Variants in SDK1 observed in about 807,000 individuals in gnomAD.
SDK1 encodes the protein sidekick cell adhesion molecule 1.
SDK1 carries 157 observed loss-of-function variants against 245.5 expected under a neutral mutation model. That is an observed-to-expected ratio of 0.64 (90% CI 0.56 to 0.73). SDK1 has a LOEUF of 0.73. Ranked by LOEUF, SDK1 falls within the 30% of genes least tolerant of loss-of-function variation. The pLI is 0.00. For missense variants in SDK1, 3,583 were observed against 3,002.3 expected, an observed-to-expected ratio of 1.19 and a Z score of -4.52; for synonymous variants, 1,647 against 1,278.5, an observed-to-expected ratio of 1.29 and a Z score of -6.15.
At chr7:3,535,795 A>G (rs897139049) in intron 1 of SDK1, among the ~76,000 whole-genome samples, 10 of 152,158 alleles carry the variant, frequency 6.6e-5, no homozygotes, top group Admixed American at 2.0e-4. Context: ...GATTTAGGCT[A>G]TATTTGCTAA....
At chr7:3,420,746 AT>A (rs1161980858) in intron 1 of SDK1, among the ~76,000 whole-genome samples, 1 of 152,192 alleles carries the variant, frequency 6.6e-6, no homozygotes, top group Non-Finnish European at 1.5e-5. Context: ...GCTCAAGAAC[AT>A]TTTTTAAAAT....
intron 4 of SDK1, among the ~76,000 whole-genome samples, chr7:3,791,687 C>A (rs570804975): frequency 6.6e-6 from 1 of 152,154 alleles, no homozygotes; most frequent in Admixed American, 6.5e-5. Context: ...AATCCAATTT[C>A]CTGTCTCTGA....
intron 4 of SDK1, among the ~76,000 whole-genome samples, chr7:3,661,546 A>G (rs183208117): frequency 1.5e-3 from 224 of 152,310 alleles, no homozygotes; most frequent in Admixed American, 3.3e-3. Flanking sequence ...TGATCTAGTG[A>G]TGAAATAAGG....
chr7:3,880,977 C>T (rs1291494654), intron 5 of SDK1, among the ~76,000 whole-genome samples: 6 of 152,194 alleles, frequency 3.9e-5, no homozygotes, highest in South Asian at 2.1e-4. Flanking sequence ...AGTAACAAGC[C>T]GCCCACTCAC....
At chr7:4,240,246 G>A (rs949771981) in intron 42 of SDK1, among the ~76,000 whole-genome samples, 1 of 152,052 alleles carries the variant, frequency 6.6e-6, no homozygotes, top group Non-Finnish European at 1.5e-5. Context: ...TGCAGCTTCC[G>A]ATGCTCAGCC....
At chr7:3,390,563 G>C (rs929915109) in intron 1 of SDK1, among the ~76,000 whole-genome samples, 7 of 152,166 alleles carry the variant, frequency 4.6e-5, no homozygotes, top group African/African-American at 1.7e-4. Context: ...ATAAGATGAG[G>C]TCATACAGGA....
chr7:3,301,799 G>C lies in SDK1; in HGVS notation c.213G>C (p.Arg71=), dbSNP rs989148770. The C allele has an allele frequency of 2.9e-6, 3 of 1,041,252 alleles. No individual in the cohort carries two copies. Among genetic ancestry groups the C allele is most frequent in the Non-Finnish European group, 3.5e-6 (3 of 867,972 alleles). 64.5% of individuals were successfully genotyped at this position (1,041,252 alleles called of 1,614,324 possible). A position where few individuals can be genotyped will look rare whatever the true frequency, so the allele number is the denominator to read the frequency against. The change falls in exon 1 of 45, where the codon CGG becomes CGC. Residue 71 remains arginine (R), a synonymous_variant. Coordinates refer to ENST00000404826, the MANE Select transcript of SDK1 (RefSeq NM_152744.4). ...DTAGAGRCGG[R]RAAKLGPGRR... ...CGGGCGCGGGGCGGTGCGGCGGGCGGCGGGCGGCAAAGTTGGGGCCGGGCC... is the reference window on the plus strand; with the variant it reads ...CGGGCGCGGGGCGGTGCGGCGGGCGCCGGGCGGCAAAGTTGGGGCCGGGCC...
At chr7:3,545,882 A>G (rs1268787164) in intron 1 of SDK1, among the ~76,000 whole-genome samples, 1 of 152,238 alleles carries the variant, frequency 6.6e-6, no homozygotes, top group Non-Finnish European at 1.5e-5. Context: ...TGTTCTGTAT[A>G]TTCTAGTTTC....
chr7:3,695,899 T>G (rs1784559081), intron 4 of SDK1, among the ~76,000 whole-genome samples: 1 of 152,226 alleles, frequency 6.6e-6, no homozygotes, highest in South Asian at 2.1e-4. Flanking sequence ...CAATCAAAGC[T>G]AATGAGCAAT....
At chr7:3,669,733 C>T (rs1404850092) in intron 4 of SDK1, among the ~76,000 whole-genome samples, 1 of 152,194 alleles carries the variant, frequency 6.6e-6, no homozygotes, top group East Asian at 1.9e-4. Context: ...AGATGACTCA[C>T]AATTTTACAT....
At chr7:3,643,477 C>T (rs140446993) in intron 4 of SDK1, 3,265 of 146,670 alleles carry the variant, frequency 0.022, 65 homozygotes, top group Admixed American at 0.063. Context: ...TGGTGATTCT[C>T]CTCTCCCACT....
intron 1 of SDK1, among the ~76,000 whole-genome samples, chr7:3,357,062 A>G (rs1339150256): frequency 1.3e-5 from 2 of 151,472 alleles, no homozygotes; most frequent in East Asian, 3.9e-4. Flanking sequence ...CGAAAAAAAA[A>G]AAAAAAAAAA....
rs574131443 is a variant in SDK1 at position 3,686,547 on chromosome 7, G to A, written c.713+44442G>A. On this transcript the variant is annotated intron_variant, in intron 4 of 44. Transcript: ENST00000404826. Reference sequence around the variant, plus strand: ...ACATTGCCAGTGATAATGTAAAACAGGACAGTCAATGTGGGAAAGAATTTG... The same window carrying A: ...ACATTGCCAGTGATAATGTAAAACAAGACAGTCAATGTGGGAAAGAATTTG... Among the ~76,000 whole-genome samples, 100 of 152,302 alleles carry A rather than the reference G, an allele frequency of 6.6e-4. 1 individual carries two copies. The highest frequency in any genetic ancestry group is 1.1e-3 in the Non-Finnish European group (72 of 68,032).
chr7:3,863,845 C>T (rs894282717), intron 5 of SDK1, among the ~76,000 whole-genome samples: 1 of 152,208 alleles, frequency 6.6e-6, no homozygotes, highest in African/African-American at 2.4e-5. Flanking sequence ...CTGACGGGCG[C>T]TTGGGTTGTT....
chr7:3,421,379 A>G (rs1779530654), intron 1 of SDK1, among the ~76,000 whole-genome samples: 2 of 152,006 alleles, frequency 1.3e-5, no homozygotes, highest in Admixed American at 1.3e-4. Flanking sequence ...CCTGGCCTGC[A>G]CTCTCACTTC....
chr7:3,551,518 G>T (rs1192460103), intron 1 of SDK1, among the ~76,000 whole-genome samples: 1 of 150,832 alleles, frequency 6.6e-6, no homozygotes, highest in Non-Finnish European at 1.5e-5. Context: ...TTAATAAGTT[G>T]TGCATCAGTT....
rs1778868958 is a variant in SDK1, at chr7:4,051,779, C to T, written c.2860C>T (p.Pro954Ser). 6.2e-7 allele frequency: 1 copy of T among 1,613,814 alleles called. No individual in the cohort carries two copies. Among genetic ancestry groups the T allele is most frequent in the East Asian group, 2.2e-5 (1 of 44,852 alleles). Reference sequence around the variant, plus strand: ...CACTTCCGTTCTGTGCTTCACCACCCCTGGGGACGGGCCTCCCAGCACACC... The same window carrying T: ...CACTTCCGTTCTGTGCTTCACCACCTCTGGGGACGGGCCTCCCAGCACACC... ...YFTSVLCFTT[P>S]GDGPPSTPQL... Residue 954 changes from proline (P) to serine (S), a missense_variant, in exon 19 of 45, where the codon CCT becomes TCT. Transcript: ENST00000404826.
intron 5 of SDK1, among the ~76,000 whole-genome samples, chr7:3,826,516 TGTGA>T (rs1562472881): frequency 1.3e-5 from 2 of 152,202 alleles, no homozygotes; most frequent in African/African-American, 2.4e-5. Context: ...GTGCTGGTGT[TGTGA>T]GTGACTCAGA....
intron 32 of SDK1, among the ~76,000 whole-genome samples, chr7:4,172,011 G>T (rs959396972): frequency 2.0e-5 from 3 of 152,234 alleles, no homozygotes; most frequent in Non-Finnish European, 2.9e-5. Flanking sequence ...GCCAGGAGCG[G>T]AGCTGTGTCC....
Sources: gnomAD v4.1 joint callset for allele counts (sites outside exome capture counted in the v4.1 genomes callset) on GRCh38, gnomAD v4.1.1 for gene constraint, MANE v1.5 for transcripts, NCBI Gene and HGNC (gene_info 2026-07-23, HGNC 2026-07-21) for gene names.